PBLD: variants seen among roughly 807,000 people sequenced by gnomAD.
PBLD encodes phenazine biosynthesis-like domain-containing protein.
In PBLD, 26 loss-of-function variants were observed where a neutral mutation model predicts 31.3. The observed-to-expected ratio is 0.83, with a 90% CI of 0.61 to 1.15. PBLD has a LOEUF of 1.15. Among genes scored for constraint, PBLD ranks in the 50% most tolerant of loss-of-function variants. The pLI is 0.00. For missense variants in PBLD, 307 were observed against 351.7 expected (o/e 0.87, Z 1.02); for synonymous variants, 114 against 129.0 (o/e 0.88, Z 0.79).
At chr10:68,291,329 T>A (rs1182709708) in intron 6 of PBLD, among the ~76,000 whole-genome samples, 1 of 152,156 alleles carries the variant, frequency 6.6e-6, no homozygotes, top group Non-Finnish European at 1.5e-5. Flanking sequence ...TCAAAATGTT[T>A]CATCATCATT....
intron 1 of PBLD, among the ~76,000 whole-genome samples, chr10:68,316,251 G>A (rs1479451366): frequency 6.6e-6 from 1 of 152,030 alleles, no homozygotes; most frequent in African/African-American, 2.4e-5. Flanking sequence ...CAAAGTATGA[G>A]AAGCATGTCT....
At chr10:68,325,542 G>A (rs536591214) in intron 1 of PBLD, among the ~76,000 whole-genome samples, 8 of 152,226 alleles carry the variant, frequency 5.3e-5, no homozygotes, top group African/African-American at 1.7e-4. Context: ...TCAAGCCTGG[G>A]AAACACAGTG....
chr10:68,288,361 A>G (rs78904265), intron 8 of PBLD, 122 bp downstream of exon 8: 40,794 of 1,035,924 alleles, frequency 0.039, 1,449 homozygotes, highest in East Asian at 0.18. Context: ...GGGGAAAGAT[A>G]GAGGAACAAG....
intron 1 of PBLD, among the ~76,000 whole-genome samples, chr10:68,313,339 A>G (rs993304405): frequency 3.3e-5 from 5 of 152,114 alleles, no homozygotes; most frequent in Non-Finnish European, 5.9e-5. Context: ...CTTTTTAGTT[A>G]TGTAATCCCA....
chr10:68,307,216 G>A (rs1225790984), intron 1 of PBLD, among the ~76,000 whole-genome samples: 1 of 151,726 alleles, frequency 6.6e-6, no homozygotes, highest in Non-Finnish European at 1.5e-5. Flanking sequence ...TTTTAGTAGC[G>A]TCAGGTTTTC....
Position 68,304,531 on chromosome 10 carries a change from A to T in PBLD, c.84+2230T>A, listed in dbSNP as rs2044550850. ...TCCTAGTTTTTCCAAATATATAATT[A>T]ACATACAAAATATGTTTTAACGGAG... On this transcript the variant is annotated intron_variant, in intron 2 of 9. Coordinates refer to ENST00000358769, the MANE Select transcript of PBLD (RefSeq NM_022129.4). 2.0e-5 allele frequency among the ~76,000 whole-genome samples: 3 copies of T among 152,236 alleles called. No individual in the cohort carries two copies. In the South Asian group the frequency reaches 6.2e-4, roughly 31 times the overall value.
intron 1 of PBLD, among the ~76,000 whole-genome samples, chr10:68,329,742 T>C (rs1252417827): frequency 6.6e-6 from 1 of 152,234 alleles, no homozygotes; most frequent in Non-Finnish European, 1.5e-5. Flanking sequence ...ACAGGTCTCC[T>C]GAAATGGTAA....
intron 1 of PBLD, among the ~76,000 whole-genome samples, chr10:68,307,490 TTTTTGTTTTG>T (rs889978053): frequency 3.3e-5 from 5 of 151,682 alleles, no homozygotes; most frequent in African/African-American, 1.2e-4. Context: ...TAGGATCTGT[TTTTTGTTTTG>T]TTTTGTTTTG....
intron 4 of PBLD, among the ~76,000 whole-genome samples, chr10:68,292,512 C>CTTTTTTTTT (rs66894235): frequency 1.4e-5 from 2 of 147,166 alleles, no homozygotes; most frequent in African/African-American, 2.5e-5. Context: ...ACTTAGCCTC[C>CTTTTTTTTT]TTTTTTTTTT....
chr10:68,310,687 G>A (rs1204856862), intron 1 of PBLD, among the ~76,000 whole-genome samples: 1 of 149,512 alleles, frequency 6.7e-6, no homozygotes, highest in Non-Finnish European at 1.5e-5. Flanking sequence ...CTCACTGAGT[G>A]AGATTATGCA....
intron 2 of PBLD, among the ~76,000 whole-genome samples, chr10:68,303,387 A>G (rs1236979362): frequency 6.9e-6 from 1 of 144,006 alleles, no homozygotes; most frequent in Non-Finnish European, 1.5e-5. Context: ...CACCCAGACA[A>G]TTTTTATTAC....
intron 1 of PBLD, among the ~76,000 whole-genome samples, chr10:68,324,096 A>C (rs75997380): frequency 0.061 from 9,212 of 151,714 alleles, 408 homozygotes; most frequent in East Asian, 0.2. Flanking sequence ...CTTTTCACTC[A>C]CCCATGCACA....
chr10:68,303,067 T>C (rs1186544193), intron 2 of PBLD, among the ~76,000 whole-genome samples: 4 of 151,400 alleles, frequency 2.6e-5, no homozygotes, highest in Non-Finnish European at 5.9e-5. Context: ...TATTTATTTA[T>C]TTATTTATTT....
intron 1 of PBLD, among the ~76,000 whole-genome samples, chr10:68,308,405 A>G (rs2044611604): frequency 6.6e-6 from 1 of 152,220 alleles, no homozygotes; most frequent in African/African-American, 2.4e-5. Flanking sequence ...CCTGGGTCAA[A>G]GAGTACAGAT....
At position 68,312,605 on chromosome 10, in the gene PBLD, C is replaced by CT. The variant is rs71009043; in HGVS notation, c.-59-5703dup. On this transcript the variant is annotated intron_variant, in intron 1 of 9. Coordinates refer to ENST00000358769, the MANE Select transcript of PBLD (RefSeq NM_022129.4). Reference sequence around the variant, plus strand: ...TTCTTTTTGTTATTGAGTTTCTTTCCTTTTTTTTTTTTTTTTTTTTTTGAG... The same window carrying CT: ...TTCTTTTTGTTATTGAGTTTCTTTCCTTTTTTTTTTTTTTTTTTTTTTTGAG... Among the ~76,000 whole-genome samples the CT allele has an allele frequency of 8.2e-4, 52 of 63,350 alleles. 1 individual carries two copies. Among genetic ancestry groups the CT allele is most frequent in the African/African-American group, 2.2e-3 (33 of 15,224 alleles). 41.6% of individuals were successfully genotyped at this position (63,350 alleles called of 152,430 possible). A position where few individuals can be genotyped will look rare whatever the true frequency, so the allele number is the denominator to read the frequency against.
chr10:68,323,529 C>T (rs2044867569), intron 1 of PBLD, among the ~76,000 whole-genome samples: 1 of 152,126 alleles, frequency 6.6e-6, no homozygotes, highest in Non-Finnish European at 1.5e-5. Flanking sequence ...CACTGCACTC[C>T]AGCCTGAGGG....
At chr10:68,284,471 A>G (rs2044263300) in intron 9 of PBLD, among the ~76,000 whole-genome samples, 182 bp from the exon 10 acceptor site, 1 of 152,070 alleles carries the variant, frequency 6.6e-6, no homozygotes, top group Non-Finnish European at 1.5e-5. Flanking sequence ...GAAAGCCACA[A>G]ACTCAATTTG....
rs1361307879 is a variant in PBLD, at chr10:68,332,893, A to G, written c.-169T>C. The G allele has an allele frequency of 6.6e-6, 1 of 152,232 alleles. No individual in the cohort carries two copies. Among genetic ancestry groups the G allele is most frequent in the Non-Finnish European group, 1.5e-5 (1 of 68,074 alleles). The allele number at this position is 152,232 out of a possible 1,614,324, so 9.4% of individuals were successfully genotyped here. Reference sequence around the variant, plus strand: ...ACGAAGGTGCTCAACTCCCAAATCCAGGACAAAGGAGGCAGACGGCCTCCT... The same window carrying G: ...ACGAAGGTGCTCAACTCCCAAATCCGGGACAAAGGAGGCAGACGGCCTCCT... On this transcript the variant is annotated 5_prime_UTR_variant, in exon 1 of 10. Coordinates refer to ENST00000358769, the MANE Select transcript of PBLD (RefSeq NM_022129.4).
chr10:68,284,689 G>A (rs781191268), intron 9 of PBLD, among the ~76,000 whole-genome samples: 5 of 152,204 alleles, frequency 3.3e-5, no homozygotes, highest in Non-Finnish European at 5.9e-5. Flanking sequence ...CTCTTGAGAA[G>A]GCCCCCATCT....
Sources: allele counts gnomAD v4.1 joint callset (sites outside exome capture counted in the v4.1 genomes callset), GRCh38; gene constraint gnomAD v4.1.1; transcripts MANE v1.5; gene names NCBI Gene and HGNC (gene_info 2026-07-23, HGNC 2026-07-21).